The following NALF1 variants were observed in gnomAD, a reference collection of about 807,000 sequenced individuals.
The protein encoded by NALF1 is family with sequence similarity 155 member A.
NALF1 carries 3 observed loss-of-function variants against 48.4 expected under a neutral mutation model. That is an observed-to-expected ratio of 0.06 (90% CI 0.03 to 0.16). The LOEUF (loss-of-function observed/expected upper bound fraction) is 0.16, where lower values mean the gene tolerates loss of function less well. Among genes scored for constraint, NALF1 ranks in the 10% least tolerant of loss-of-function variants. The pLI, the probability that NALF1 is intolerant of heterozygous loss-of-function variation, is 1.00. For missense variants in NALF1, 526 were observed against 571.5 expected (o/e 0.92, Z 0.81); for synonymous variants, 262 against 245.7 (o/e 1.07, Z -0.62).
At chr13:107,253,439 C>A (rs1880744907) in intron 1 of NALF1, among the ~76,000 whole-genome samples, 1 of 152,004 alleles carries the variant, frequency 6.6e-6, no homozygotes, top group African/African-American at 2.4e-5. Context: ...CTGGGGAGAC[C>A]CCTCACCCCC....
At chr13:107,627,022 T>C (rs1879692538) in intron 1 of NALF1, among the ~76,000 whole-genome samples, 1 of 152,098 alleles carries the variant, frequency 6.6e-6, no homozygotes, top group South Asian at 2.1e-4. Context: ...TATGACATTA[T>C]ACAAGGAGCA....
At chr13:107,339,274 G>A (rs905660197) in intron 1 of NALF1, among the ~76,000 whole-genome samples, 4 of 152,044 alleles carry the variant, frequency 2.6e-5, no homozygotes, top group African/African-American at 9.7e-5. Context: ...TGAGACTTAT[G>A]TGTTGGGTTT....
At chr13:107,328,401 TA>T (rs1009178807) in intron 1 of NALF1, among the ~76,000 whole-genome samples, 20 of 152,110 alleles carry the variant, frequency 1.3e-4, no homozygotes, top group Non-Finnish European at 2.8e-4. Flanking sequence ...TGTAGGTGCT[TA>T]AAACAAACTT....
intron 1 of NALF1, among the ~76,000 whole-genome samples, chr13:107,319,460 A>T (rs935257917): frequency 6.6e-6 from 1 of 152,092 alleles, no homozygotes; most frequent in African/African-American, 2.4e-5. Flanking sequence ...CTGGATAAAC[A>T]GGATGGAACA....
rs113502546 is a variant in NALF1, at chr13:107,658,464, CTG to C, written c.915+207216_915+207217del. Among the ~76,000 whole-genome samples, 951 of 152,218 alleles carry C rather than the reference CTG, an allele frequency of 6.2e-3. 10 individuals carry two copies. Among genetic ancestry groups the C allele is most frequent in the African/African-American group, 0.021 (861 of 41,524 alleles). On this transcript the variant is annotated intron_variant, in intron 1 of 2. Coordinates refer to ENST00000375915, the MANE Select transcript of NALF1 (RefSeq NM_001080396.3). ...TCATTTCGTATCAATTATCAACACT[CTG>C]TACCTCAAACTGTACTTCAGGTTGA...
chr13:107,738,809 G>A (rs1876538071), intron 1 of NALF1, among the ~76,000 whole-genome samples: 3 of 151,926 alleles, frequency 2.0e-5, no homozygotes, highest in African/African-American at 7.3e-5. Flanking sequence ...GACTACAGGT[G>A]CCTGCCAGCA....
intron 1 of NALF1, among the ~76,000 whole-genome samples, chr13:107,859,615 C>T (rs1316420840): frequency 6.6e-6 from 1 of 152,074 alleles, no homozygotes; most frequent in Admixed American, 6.6e-5. Context: ...ATTAAAGAAT[C>T]AGAGTAGGCG....
intron 1 of NALF1, among the ~76,000 whole-genome samples, chr13:107,370,690 G>A (rs4448798): frequency 0.58 from 88,666 of 152,048 alleles, 26,285 homozygotes; most frequent in East Asian, 0.74. Flanking sequence ...GTATTAGTCC[G>A]TTCTCATGCT....
chr13:107,257,824 G>A (rs576051485), intron 1 of NALF1, among the ~76,000 whole-genome samples: 31 of 152,258 alleles, frequency 2.0e-4, no homozygotes, highest in Admixed American at 8.5e-4. Context: ...ACTTTGGAGA[G>A]CTTCAGAGCT....
chr13:107,581,757 T>A (rs1878318333), intron 1 of NALF1, among the ~76,000 whole-genome samples: 1 of 152,184 alleles, frequency 6.6e-6, no homozygotes, highest in Non-Finnish European at 1.5e-5. Flanking sequence ...TGCATCTATT[T>A]TTCTTCATAA....
intron 1 of NALF1, among the ~76,000 whole-genome samples, chr13:107,696,086 G>A (rs994585202): frequency 2.0e-5 from 3 of 152,040 alleles, no homozygotes; most frequent in South Asian, 2.1e-4. Context: ...TAGTAGAGAC[G>A]GGGTTTGCAC....
Position 107,866,350 on chromosome 13 carries a change from G to GCCGCTGCCT in NALF1, c.246_247insAGGCAGCGG (p.Gln82_Gln83insArgGlnArg), listed in dbSNP as rs1352954744. On this transcript the variant is annotated inframe_insertion, in exon 1 of 3. Transcript: ENST00000375915. This position sits in a 1 kb window ranked among gnomAD's most constrained non-coding sequence, Gnocchi z 4.4. Reference sequence around the variant, plus strand: ...TGCTGCCGCTGCCTCTGCTGCTGCTGCTGCTGCTGCTGCTGCCGCTGCTGC... The same window carrying GCCGCTGCCT: ...TGCTGCCGCTGCCTCTGCTGCTGCTGCCGCTGCCTCTGCTGCTGCTGCTGCCGCTGCTGC... The GCCGCTGCCT allele has an allele frequency of 1.2e-6, 2 of 1,607,816 alleles. No homozygotes were observed.
intron 1 of NALF1, among the ~76,000 whole-genome samples, chr13:107,479,485 C>CT (rs1042700301): frequency 6.6e-6 from 1 of 152,112 alleles, no homozygotes; most frequent in Admixed American, 6.6e-5. Flanking sequence ...TCCACAACAA[C>CT]TTTTTTAATA....
chr13:107,490,706 A>G (rs1385617993), intron 1 of NALF1, among the ~76,000 whole-genome samples: 1 of 151,908 alleles, frequency 6.6e-6, no homozygotes, highest in Admixed American at 6.6e-5. Flanking sequence ...GTAACCCTGA[A>G]CTTAAAAGTT....
intron 1 of NALF1, 88 bp from the exon 2 acceptor site, chr13:107,210,843 G>C: frequency 1.2e-6 from 1 of 845,332 alleles, no homozygotes; most frequent in Non-Finnish European, 1.9e-6. Context: ...AGCGTGCTGT[G>C]GTTTCAAGTG....
intron 1 of NALF1, among the ~76,000 whole-genome samples, chr13:107,523,071 C>T (rs986253709): frequency 2.0e-5 from 3 of 152,064 alleles, no homozygotes; most frequent in Admixed American, 6.5e-5. Flanking sequence ...AATGGATAAA[C>T]CAGTTGGCAG....
intron 1 of NALF1, among the ~76,000 whole-genome samples, chr13:107,338,684 T>C (rs1882606790): frequency 6.6e-6 from 1 of 152,164 alleles, no homozygotes; most frequent in African/African-American, 2.4e-5. Flanking sequence ...TTGTCACCTA[T>C]TAAGAGCCAT....
At chr13:107,629,805 T>C (rs1879783734) in intron 1 of NALF1, among the ~76,000 whole-genome samples, 1 of 152,178 alleles carries the variant, frequency 6.6e-6, no homozygotes, top group Non-Finnish European at 1.5e-5. Context: ...TTGAGATATA[T>C]ATGAATGAAC....
At chr13:107,272,906 G>A (rs1478910471) in intron 1 of NALF1, among the ~76,000 whole-genome samples, 1 of 152,156 alleles carries the variant, frequency 6.6e-6, no homozygotes, top group East Asian at 1.9e-4. Context: ...ATATAAAAAT[G>A]AGAATAAAAA....
Sources: gnomAD v4.1 joint callset for allele counts (sites outside exome capture counted in the v4.1 genomes callset) on GRCh38, gnomAD v4.1.1 for gene constraint, Gnocchi (gnomAD v3.1) non-coding constraint, MANE v1.5 for transcripts, NCBI Gene and HGNC (gene_info 2026-07-23, HGNC 2026-07-21) for gene names.